ARFGEF3: variants seen among roughly 807,000 people sequenced by gnomAD.
The protein encoded by ARFGEF3 is ARFGEF family member 3.
In ARFGEF3, 96 loss-of-function variants were observed where a neutral mutation model predicts 221.7. That is an observed-to-expected ratio of 0.43 (90% CI 0.37 to 0.51). The LOEUF is 0.51. ARFGEF3 is among the 20% of genes least tolerant of loss of function. The pLI is 0.00. For synonymous variants in ARFGEF3, 1,145 were observed against 1,126.8 expected (o/e 1.02, Z -0.32); for missense variants, 2,410 against 2,789.9 (o/e 0.86, Z 3.07).
chr6:138,284,664 G>A (rs1779256244), intron 14 of ARFGEF3, among the ~76,000 whole-genome samples: 2 of 152,234 alleles, frequency 1.3e-5, no homozygotes, highest in South Asian at 4.1e-4. Flanking sequence ...AGCTGGAATG[G>A]TATAGAGAGG....
chr6:138,274,286 G>C (rs562021069), intron 12 of ARFGEF3, among the ~76,000 whole-genome samples: 38 of 152,228 alleles, frequency 2.5e-4, no homozygotes, highest in African/African-American at 8.4e-4. Flanking sequence ...ATGATCCAGG[G>C]TAGTTAAACA....
At chr6:138,293,257 T>G (rs916616746) in intron 19 of ARFGEF3, among the ~76,000 whole-genome samples, 1 of 152,192 alleles carries the variant, frequency 6.6e-6, no homozygotes, top group Admixed American at 6.5e-5. Flanking sequence ...ACCTGGCACA[T>G]TGCTCGTTGT....
chr6:138,178,759 CAG>C (rs1777005281), intron 2 of ARFGEF3, among the ~76,000 whole-genome samples: 1 of 152,144 alleles, frequency 6.6e-6, no homozygotes. Context: ...TTAGAAAATG[CAG>C]TATTTGAAAG....
chr6:138,176,095 T>C (rs1392276586), intron 2 of ARFGEF3, among the ~76,000 whole-genome samples: 1 of 152,190 alleles, frequency 6.6e-6, no homozygotes, highest in Non-Finnish European at 1.5e-5. Flanking sequence ...GCATGGAATA[T>C]CTTTTCCCAC....
intron 2 of ARFGEF3, among the ~76,000 whole-genome samples, chr6:138,193,982 A>C (rs1777361248): frequency 6.6e-6 from 1 of 152,152 alleles, no homozygotes; most frequent in Non-Finnish European, 1.5e-5. Flanking sequence ...GCATATAAAA[A>C]AGACGATGGA....
intron 10 of ARFGEF3, among the ~76,000 whole-genome samples, chr6:138,258,599 C>G (rs1339775915): frequency 6.6e-6 from 1 of 152,164 alleles, no homozygotes; most frequent in Non-Finnish European, 1.5e-5. Context: ...ATTATACGTC[C>G]CATAACACTG....
At chr6:138,262,103 G>A (rs1778807595) in intron 11 of ARFGEF3, among the ~76,000 whole-genome samples, 1 of 151,410 alleles carries the variant, frequency 6.6e-6, no homozygotes, top group Non-Finnish European at 1.5e-5. Context: ...GGTTGTTCGG[G>A]AAAGTCATAA....
rs549181997 is a variant in ARFGEF3, at chr6:138,334,231, G to A, written c.5385G>A (p.Lys1795=). The A allele has an allele frequency of 5.0e-6, 8 of 1,613,870 alleles. No individual in the cohort carries two copies. Among genetic ancestry groups the A allele is most frequent in the Middle Eastern group, 3.3e-4 (2 of 6,062 alleles). ...DTSPGLKCLL[K]KVSGIGGAAN... Reference sequence around the variant, plus strand: ...GCCCCGGGCTGAAGTGCCTGCTGAAGAAAGTGTCTGGCATCGGGGGCGCCG... The same window carrying A: ...GCCCCGGGCTGAAGTGCCTGCTGAAAAAAGTGTCTGGCATCGGGGGCGCCG... Residue 1795 remains lysine, a synonymous_variant, in exon 33 of 34, where the codon AAG becomes AAA. Coordinates refer to ENST00000251691, the MANE Select transcript of ARFGEF3 (RefSeq NM_020340.5). This position sits in a 1 kb window ranked among gnomAD's most constrained non-coding sequence, Gnocchi z 5.1.
Position 138,210,005 on chromosome 6 carries a change from T to C in ARFGEF3, c.315T>C (p.Pro105=). 6.2e-7 allele frequency: 1 copy of C among 1,613,876 alleles called. No individual in the cohort carries two copies. The highest frequency in any genetic ancestry group is 1.7e-5 in the Admixed American group (1 of 60,024). ...NQILNAVKVT[P]SLNEDLQVEV... is the part of the protein sequence containing the mutation. ...TACTGAATGCCGTGAAAGTGACGCCTTCGCTCAACGAGGACCTGCAGGTGG... is the reference window on the plus strand; with the variant it reads ...TACTGAATGCCGTGAAAGTGACGCCCTCGCTCAACGAGGACCTGCAGGTGG... Residue 105 remains proline (P), a synonymous_variant, in exon 4 of 34, where the codon CCT becomes CCC. Transcript: ENST00000251691.
intron 1 of ARFGEF3, among the ~76,000 whole-genome samples, chr6:138,164,906 C>A (rs1470330951): frequency 6.6e-6 from 1 of 152,198 alleles, no homozygotes; most frequent in African/African-American, 2.4e-5. Flanking sequence ...GGAGGTCAAC[C>A]GCTACTTAGG....
chr6:138,330,084 G>A (rs1480617505), intron 32 of ARFGEF3, among the ~76,000 whole-genome samples: 1 of 152,160 alleles, frequency 6.6e-6, no homozygotes, highest in South Asian at 2.1e-4. Context: ...TAATGTCATA[G>A]TTAAGGCAGG....
chr6:138,265,551 T>C (rs1200191860), intron 12 of ARFGEF3, among the ~76,000 whole-genome samples: 1 of 152,198 alleles, frequency 6.6e-6, no homozygotes, highest in Non-Finnish European at 1.5e-5. Flanking sequence ...TAAGATCTTT[T>C]ATATCACTGT....
intron 23 of ARFGEF3, among the ~76,000 whole-genome samples, chr6:138,308,340 G>C (rs1217438056): frequency 2.0e-5 from 3 of 152,186 alleles, no homozygotes; most frequent in African/African-American, 7.2e-5. Context: ...AGTGGTCTCA[G>C]GCCTTCTGTG....
intron 8 of ARFGEF3, among the ~76,000 whole-genome samples, chr6:138,250,908 C>T (rs542584698): frequency 3.3e-5 from 5 of 152,284 alleles, no homozygotes; most frequent in South Asian, 2.1e-4. Flanking sequence ...TACTTTTTGC[C>T]TTGTGCATTC....
chr6:138,324,210 G>T, intron 31 of ARFGEF3, 56 bp downstream of exon 31: 1 of 1,575,562 alleles, frequency 6.3e-7, no homozygotes. Flanking sequence ...TGCATGTTGG[G>T]AGACCTTCCT....
chr6:138,321,362 T>G, intron 29 of ARFGEF3, 137 bp downstream of exon 29: 8 of 582,872 alleles, frequency 1.4e-5, no homozygotes. Context: ...TAAAAATGAC[T>G]GTGCTAATAA....
intron 4 of ARFGEF3, among the ~76,000 whole-genome samples, chr6:138,228,407 G>A (rs946654941): frequency 6.0e-5 from 9 of 149,654 alleles, no homozygotes; most frequent in African/African-American, 2.0e-4. Flanking sequence ...GGCTGGTCTC[G>A]AACTCCTAAT....
intron 14 of ARFGEF3, among the ~76,000 whole-genome samples, chr6:138,285,274 T>C (rs1255730147): frequency 2.6e-5 from 4 of 152,042 alleles, no homozygotes; most frequent in Admixed American, 2.6e-4. Flanking sequence ...CCATCCTGGC[T>C]AACACGGTGA....
Position 138,238,610 on chromosome 6 carries a change from A to G in ARFGEF3, c.522A>G (p.Leu174=). Residue 174 remains leucine (L), a synonymous_variant, in exon 6 of 34, where the codon TTA becomes TTG. Transcript: ENST00000251691. ...SQMLSDLTLQ[L]RQRQENTIIE... Reference sequence around the variant, plus strand: ...TGCTGAGTGACTTGACTTTACAGTTACGACAGAGGCAGGAGAATACGGTGA... The same window carrying G: ...TGCTGAGTGACTTGACTTTACAGTTGCGACAGAGGCAGGAGAATACGGTGA... The G allele has an allele frequency of 6.2e-7, 1 of 1,613,788 alleles. No individual in the cohort carries two copies. The highest frequency in any genetic ancestry group is 8.5e-7 in the Non-Finnish European group (1 of 1,179,736).
Sources: gnomAD v4.1 joint callset for allele counts (sites outside exome capture counted in the v4.1 genomes callset) on GRCh38, gnomAD v4.1.1 for gene constraint, Gnocchi (gnomAD v3.1) non-coding constraint, MANE v1.5 for transcripts, NCBI Gene and HGNC (gene_info 2026-07-23, HGNC 2026-07-21) for gene names.